Variants in ANKRD6 observed in about 807,000 individuals in gnomAD.
The protein encoded by ANKRD6 is ankyrin repeat domain 6, also known as ankyrin repeat domain-containing protein 6.
In ANKRD6, 56 loss-of-function variants were observed where a neutral mutation model predicts 82.3. That is an observed-to-expected ratio of 0.68 (90% confidence interval 0.55 to 0.85). The LOEUF (loss-of-function observed/expected upper bound fraction) is 0.85. Among genes scored for constraint, ANKRD6 ranks in the 40% least tolerant of loss-of-function variants. The pLI, the probability that ANKRD6 is intolerant of heterozygous loss-of-function variation, is 0.00. For synonymous variants in ANKRD6, 347 were observed against 352.1 expected (o/e 0.99, Z 0.16); for missense variants, 852 against 907.6 (o/e 0.94, Z 0.79).
intron 1 of ANKRD6, among the ~76,000 whole-genome samples, chr6:89,500,321 G>C (rs1245893581): frequency 1.3e-5 from 2 of 152,110 alleles, no homozygotes; most frequent in African/African-American, 4.8e-5. Flanking sequence ...AGAGAAGCCA[G>C]AGGCTGCCTG....
chr6:89,464,107 C>G (rs1049596301), intron 1 of ANKRD6, among the ~76,000 whole-genome samples: 2 of 152,108 alleles, frequency 1.3e-5, no homozygotes, highest in Non-Finnish European at 2.9e-5. Context: ...CAAAATAATT[C>G]TTTATGAACT....
chr6:89,606,397 A>G (rs1330685658), intron 5 of ANKRD6, among the ~76,000 whole-genome samples: 1 of 152,198 alleles, frequency 6.6e-6, no homozygotes, highest in African/African-American at 2.4e-5. Context: ...TTTGTATTCA[A>G]AAAATATGGC....
At chr6:89,467,300 A>G (rs752580607) in intron 1 of ANKRD6, among the ~76,000 whole-genome samples, 3 of 152,176 alleles carry the variant, frequency 2.0e-5, no homozygotes, top group Non-Finnish European at 4.4e-5. Context: ...ATTATAGTAT[A>G]TGGGGTATAT....
chr6:89,523,703 C>T (rs900793810), intron 1 of ANKRD6, among the ~76,000 whole-genome samples: 1 of 152,180 alleles, frequency 6.6e-6, no homozygotes, highest in African/African-American at 2.4e-5. Flanking sequence ...CTGCCAGCCT[C>T]ATACTTCTCT....
intron 1 of ANKRD6, among the ~76,000 whole-genome samples, chr6:89,537,993 A>G (rs944799466): frequency 1.3e-5 from 2 of 152,134 alleles, no homozygotes; most frequent in African/African-American, 4.8e-5. Context: ...ACAGCATGTC[A>G]TTTCATCCTC....
chr6:89,463,593 G>T (rs1774470175), intron 1 of ANKRD6, among the ~76,000 whole-genome samples: 1 of 152,164 alleles, frequency 6.6e-6, no homozygotes, highest in Admixed American at 6.5e-5. Context: ...CTGTCACCCA[G>T]GCTGGAGTGC....
chr6:89,588,387 C>T (rs1021901180), intron 2 of ANKRD6, among the ~76,000 whole-genome samples: 4 of 152,150 alleles, frequency 2.6e-5, no homozygotes, highest in African/African-American at 7.2e-5. Context: ...GGCAGACTGA[C>T]TCAAAAAAGG....
chr6:89,490,161 C>A (rs1051255068), intron 1 of ANKRD6, among the ~76,000 whole-genome samples: 3 of 152,196 alleles, frequency 2.0e-5, no homozygotes. Flanking sequence ...CAATTGCATG[C>A]GCATTTGCTT....
At chr6:89,440,095 G>T (rs1771183780) in intron 1 of ANKRD6, among the ~76,000 whole-genome samples, 1 of 152,168 alleles carries the variant, frequency 6.6e-6, no homozygotes, top group African/African-American at 2.4e-5. Flanking sequence ...TGAGTTCTCA[G>T]CTGGGAGCCC....
rs558471388 is a variant in ANKRD6, at chr6:89,576,114, C to G, written c.120+9018C>G. ...TCACCCAGGCTGGAGTGCAGTGGTG[C>G]GATCTCAGCTCACTGCAAGCTCTGC... On this transcript the variant is annotated intron_variant, in intron 2 of 15. Transcript: ENST00000339746. Among the ~76,000 whole-genome samples the G allele has an allele frequency of 2.8e-3, 431 of 151,656 alleles. 5 individuals are homozygous for G. Among genetic ancestry groups the G allele is most frequent in the African/African-American group, 9.9e-3 (408 of 41,316 alleles).
chr6:89,620,416 C>A (rs1260126197), intron 9 of ANKRD6, among the ~76,000 whole-genome samples: 1 of 152,146 alleles, frequency 6.6e-6, no homozygotes, highest in Non-Finnish European at 1.5e-5. Flanking sequence ...TTAGGCTGAT[C>A]CTGGTGCTGT....
At chr6:89,526,615 T>C (rs913519923) in intron 1 of ANKRD6, among the ~76,000 whole-genome samples, 1 of 152,186 alleles carries the variant, frequency 6.6e-6, no homozygotes. Flanking sequence ...ACTATGGTAT[T>C]AGTCAGGGTT....
At position 89,537,666 on chromosome 6, in the gene ANKRD6, C is replaced by T. The variant is rs538718853; in HGVS notation, c.-143-29168C>T. Among the ~76,000 whole-genome samples the T allele has an allele frequency of 5.9e-5, 9 of 151,672 alleles. 1 individual carries two copies. In the South Asian group the frequency reaches 1.5e-3, roughly 24 times the overall value. On this transcript the variant is annotated intron_variant, in intron 1 of 15. Coordinates refer to ENST00000339746, the MANE Select transcript of ANKRD6 (RefSeq NM_001242809.2). ...AGATGGCTCATGCCTGTAATCCCAG[C>T]ACTTGGGGATGCCGAGGTAGGAGGA...
At chr6:89,458,580 A>G (rs759628141) in intron 1 of ANKRD6, among the ~76,000 whole-genome samples, 1 of 152,240 alleles carries the variant, frequency 6.6e-6, no homozygotes, top group Non-Finnish European at 1.5e-5. Flanking sequence ...GTTTGAGGGC[A>G]GGAAGCATCC....
intron 1 of ANKRD6, among the ~76,000 whole-genome samples, chr6:89,436,209 T>C (rs953647107): frequency 2.6e-5 from 4 of 152,270 alleles, no homozygotes; most frequent in Non-Finnish European, 4.4e-5. Context: ...CGTATGTGTG[T>C]GCCTATACTA....
intron 1 of ANKRD6, among the ~76,000 whole-genome samples, chr6:89,519,683 A>G (rs1781660430): frequency 6.6e-6 from 1 of 152,230 alleles, no homozygotes; most frequent in African/African-American, 2.4e-5. Context: ...GCTTGGGCCT[A>G]CAGATAGTAA....
chr6:89,626,567 C>T (rs543316199), intron 13 of ANKRD6, among the ~76,000 whole-genome samples: 14 of 152,336 alleles, frequency 9.2e-5, no homozygotes, highest in South Asian at 4.2e-4. Flanking sequence ...GTGCTCACCA[C>T]GTCTCCAGAA....
At chr6:89,499,238 A>G (rs1257512946) in intron 1 of ANKRD6, among the ~76,000 whole-genome samples, 1 of 152,216 alleles carries the variant, frequency 6.6e-6, no homozygotes, top group Non-Finnish European at 1.5e-5. Context: ...AAATTTAGAA[A>G]TAAAAGGAGC....
At position 89,595,088 on chromosome 6, in the gene ANKRD6, T is replaced by C. The variant is rs115194093; in HGVS notation, c.121-828T>C. On this transcript the variant is annotated intron_variant, in intron 2 of 15. Coordinates refer to ENST00000339746, the MANE Select transcript of ANKRD6 (RefSeq NM_001242809.2). ...TTTAAAAAGAGGAAGAACCGGCCAG[T>C]CATGGTGGCTCATGCCTGTAATCCT... Among the ~76,000 whole-genome samples, 331 of 152,092 alleles carry C rather than the reference T, an allele frequency of 2.2e-3. 1 individual carries two copies. Among genetic ancestry groups the C allele is most frequent in the African/African-American group, 7.7e-3 (321 of 41,482 alleles).
Sources: allele counts gnomAD v4.1 joint callset (sites outside exome capture counted in the v4.1 genomes callset), GRCh38; gene constraint gnomAD v4.1.1; transcripts MANE v1.5; gene names NCBI Gene and HGNC (gene_info 2026-07-23, HGNC 2026-07-21).